Variants in SDK1 observed in about 807,000 individuals in gnomAD.
SDK1 encodes protein sidekick-1.
SDK1 carries 157 observed loss-of-function variants against 245.5 expected under a neutral mutation model. The observed-to-expected ratio is 0.64, with a 90% CI of 0.56 to 0.73. SDK1 has a LOEUF of 0.73. SDK1 is among the 30% of genes least tolerant of loss of function. SDK1 has a pLI of 0.00. For synonymous variants in SDK1, 1,647 were observed against 1,278.5 expected, an observed-to-expected ratio of 1.29 and a Z score of -6.15; for missense variants, 3,583 against 3,002.3, an observed-to-expected ratio of 1.19 and a Z score of -4.52.
At chr7:3,314,973 C>T (rs149443327) in intron 1 of SDK1, among the ~76,000 whole-genome samples, 1 of 151,970 alleles carries the variant, frequency 6.6e-6, no homozygotes, top group Non-Finnish European at 1.5e-5. Flanking sequence ...CATTGGGAGT[C>T]CTAACCCACT....
At chr7:4,127,301 A>C (rs1157771320) in intron 25 of SDK1, 80 bp from the exon 26 acceptor site, 4 of 1,063,850 alleles carry the variant, frequency 3.8e-6, no homozygotes, top group Non-Finnish European at 5.9e-6. Flanking sequence ...GGACAACTTG[A>C]TTATTTGGGT....
At chr7:4,240,324 G>A (rs2128237840) in intron 42 of SDK1, among the ~76,000 whole-genome samples, 1 of 152,212 alleles carries the variant, frequency 6.6e-6, no homozygotes, top group Non-Finnish European at 1.5e-5. Context: ...CTACCAGAAT[G>A]TCTCCCGTCC....
chr7:4,078,523 G>A (rs1780841757), intron 21 of SDK1, among the ~76,000 whole-genome samples: 2 of 152,126 alleles, frequency 1.3e-5, no homozygotes, highest in South Asian at 4.2e-4. Context: ...CCCTGTGCAA[G>A]ACCTGGTTTC....
chr7:3,562,490 C>T (rs534963297), intron 1 of SDK1, among the ~76,000 whole-genome samples: 2 of 152,200 alleles, frequency 1.3e-5, no homozygotes, highest in Admixed American at 1.3e-4. Flanking sequence ...TAAAAACTAA[C>T]AACAAAAATG....
rs757483493 is a variant in SDK1 at position 4,220,147 on chromosome 7, T to A, written c.5578T>A (p.Trp1860Arg). The change falls in exon 39 of 45, where the codon TGG becomes AGG. Residue 1860 changes from tryptophan to arginine, a missense_variant. By Grantham distance (101) the Trp-to-Arg change is moderately radical. Coordinates refer to ENST00000404826, the MANE Select transcript of SDK1 (RefSeq NM_152744.4). ...GGTGACCGTGGAAGTGAGAGGGAAC[T>A]GGCAGCGCTGGCTGAAGGTGCGGGA... ...KVVTVEVRGN[W>R]QRWLKVRDLT... 1.9e-6 allele frequency: 3 copies of A among 1,614,064 alleles called. No individual in the cohort carries two copies. Among genetic ancestry groups the A allele is most frequent in the Non-Finnish European group, 1.7e-6 (2 of 1,179,998 alleles).
At chr7:4,055,575 G>A (rs1471861626) in intron 19 of SDK1, among the ~76,000 whole-genome samples, 1 of 151,086 alleles carries the variant, frequency 6.6e-6, no homozygotes, top group Non-Finnish European at 1.5e-5. Context: ...TGTTTTTTTA[G>A]AACCAGCCTC....
chr7:3,758,160 A>C lies in SDK1; in HGVS notation c.714-63290A>C, dbSNP rs6969171. Among the ~76,000 whole-genome samples the C allele has an allele frequency of 6.9e-3, 1,044 of 152,318 alleles. 13 individuals carry two copies. Among genetic ancestry groups the C allele is most frequent in the African/African-American group, 0.025 (1,023 of 41,574 alleles). On this transcript the variant is annotated intron_variant, in intron 4 of 44. Coordinates refer to ENST00000404826, the MANE Select transcript of SDK1 (RefSeq NM_152744.4). ...TTCGTGGGCATATGTTAAAACCGCC[A>C]CTGTACTTAATAAATATTCTGAGGG...
At chr7:3,489,944 AAGGCTAATAC>A (rs1274048536) in intron 1 of SDK1, among the ~76,000 whole-genome samples, 114 of 152,306 alleles carry the variant, frequency 7.5e-4, no homozygotes, top group African/African-American at 2.6e-3. Flanking sequence ...AAAATAGTCA[AAGGCTAATAC>A]ATTTGGAGAA....
chr7:3,301,525 C>G lies in SDK1; in HGVS notation c.-62C>G, dbSNP rs1168023158. ...CGGAGTGGCCGCGCCCGCTCGGAGC[C>G]GTCCCGCCTGTCCTGCCCGCCCGTC... On this transcript the variant is annotated 5_prime_UTR_variant, in exon 1 of 45. Coordinates refer to ENST00000404826, the MANE Select transcript of SDK1 (RefSeq NM_152744.4). 3 of 586,098 alleles carry G rather than the reference C, an allele frequency of 5.1e-6. No individual in the cohort carries two copies. Among genetic ancestry groups the G allele is most frequent in the Non-Finnish European group, 6.4e-6 (3 of 469,228 alleles). 36.3% of individuals were successfully genotyped at this position (586,098 alleles called of 1,614,324 possible).
At chr7:3,401,689 ATTT>A (rs761655504) in intron 1 of SDK1, among the ~76,000 whole-genome samples, 2 of 146,226 alleles carry the variant, frequency 1.4e-5, no homozygotes, top group African/African-American at 5.0e-5. Flanking sequence ...TCTGAGCCTT[ATTT>A]TTTTTTTTTA....
chr7:3,634,174 G>T (rs1369614429), intron 2 of SDK1, among the ~76,000 whole-genome samples: 4 of 152,094 alleles, frequency 2.6e-5, no homozygotes, highest in Admixed American at 1.3e-4. Flanking sequence ...TTTGAGATAA[G>T]CCCCATCTCC....
At chr7:3,382,069 A>G (rs1322356016) in intron 1 of SDK1, among the ~76,000 whole-genome samples, 1 of 152,138 alleles carries the variant, frequency 6.6e-6, no homozygotes, top group Non-Finnish European at 1.5e-5. Flanking sequence ...TGCACAAGAA[A>G]AACCTATGCA....
intron 40 of SDK1, among the ~76,000 whole-genome samples, chr7:4,226,699 A>G (rs1785469195): frequency 6.6e-6 from 1 of 152,122 alleles, no homozygotes; most frequent in Admixed American, 6.5e-5. Flanking sequence ...GTTTCCTCCA[A>G]ATTGGTGTTG....
chr7:3,584,061 G>T (rs1050441492), intron 1 of SDK1, among the ~76,000 whole-genome samples: 3 of 152,194 alleles, frequency 2.0e-5, no homozygotes, highest in African/African-American at 2.4e-5. Context: ...TTTGAAGTTT[G>T]TACAGCAGGG....
At chr7:3,791,638 G>C (rs1392393324) in intron 4 of SDK1, among the ~76,000 whole-genome samples, 1 of 152,212 alleles carries the variant, frequency 6.6e-6, no homozygotes, top group Non-Finnish European at 1.5e-5. Context: ...GACGATTGGA[G>C]AAGGATGAGT....
intron 1 of SDK1, among the ~76,000 whole-genome samples, chr7:3,424,119 C>T (rs895959914): frequency 2.0e-5 from 3 of 152,200 alleles, no homozygotes; most frequent in Admixed American, 6.5e-5. Flanking sequence ...ACCATGTTTG[C>T]CAGGCTGGTC....
chr7:4,267,062 G>A lies in SDK1; in HGVS notation c.*1678G>A, dbSNP rs77952272. The A allele has an allele frequency of 7.9e-4, 783 of 985,510 alleles. 5 individuals are homozygous for A. In the African/African-American group the frequency reaches 0.013, roughly 16 times the overall value. The allele number at this position is 985,510 out of a possible 1,614,324, so 61.0% of individuals were successfully genotyped here. A position where few individuals can be genotyped will look rare whatever the true frequency, so the allele number is the denominator to read the frequency against. On this transcript the variant is annotated 3_prime_UTR_variant, in exon 45 of 45. Coordinates refer to ENST00000404826, the MANE Select transcript of SDK1 (RefSeq NM_152744.4). ...GTGGATATTGCCTGGATTCTGTGCT[G>A]TCAGCGTTGCTGAGTATGGCCCCAG...
At chr7:3,804,982 C>T (rs1381251541) in intron 4 of SDK1, among the ~76,000 whole-genome samples, 3 of 152,124 alleles carry the variant, frequency 2.0e-5, no homozygotes, top group African/African-American at 7.2e-5. Context: ...TAGTTAACAA[C>T]AGAGTGCATA....
At chr7:3,397,416 T>G (rs562900930) in intron 1 of SDK1, among the ~76,000 whole-genome samples, 1 of 152,066 alleles carries the variant, frequency 6.6e-6, no homozygotes, top group African/African-American at 2.4e-5. Flanking sequence ...TGGGAATATT[T>G]TAATTTTCGT....
Sources: allele counts gnomAD v4.1 joint callset (sites outside exome capture counted in the v4.1 genomes callset), GRCh38; gene constraint gnomAD v4.1.1; transcripts MANE v1.5; gene names NCBI Gene and HGNC (gene_info 2026-07-23, HGNC 2026-07-21).